The following CAMK1D variants were observed in gnomAD, a reference collection of about 807,000 sequenced individuals.
The protein encoded by CAMK1D is calcium/calmodulin-dependent protein kinase type 1D.
Under a neutral mutation model 47.7 loss-of-function variants are expected in CAMK1D, and 9 were observed. The ratio of observed to expected loss-of-function variants is 0.19; its 90% CI spans 0.11 to 0.33. The LOEUF is 0.33. Ranked by LOEUF, CAMK1D falls within the 10% of genes least tolerant of loss-of-function variation. The probability of loss-of-function intolerance (pLI) is 1.00; values close to 1 mark genes in which losing one functional copy is unlikely to be tolerated. For missense variants in CAMK1D, 291 were observed against 488.7 expected (o/e 0.60, Z 3.81); for synonymous variants, 184 against 184.9 (o/e 0.99, Z 0.04).
At chr10:12,614,371 A>AT (rs1250104525) in intron 2 of CAMK1D, among the ~76,000 whole-genome samples, 4 of 152,228 alleles carry the variant, frequency 2.6e-5, no homozygotes, top group Non-Finnish European at 5.9e-5. Context: ...GCAACTGTGG[A>AT]TTGACACTAT....
chr10:12,362,184 A>G (rs1837684888), intron 1 of CAMK1D, among the ~76,000 whole-genome samples: 1 of 152,180 alleles, frequency 6.6e-6, no homozygotes, highest in African/African-American at 2.4e-5. Context: ...GCCACCATCC[A>G]TCTCCAGAAC....
At chr10:12,514,116 A>G (rs1835118156) in intron 1 of CAMK1D, among the ~76,000 whole-genome samples, 1 of 152,190 alleles carries the variant, frequency 6.6e-6, no homozygotes. Context: ...TGGATCTGAA[A>G]GTGCTTTTCA....
intron 6 of CAMK1D, among the ~76,000 whole-genome samples, chr10:12,807,152 A>G (rs72773669): frequency 0.077 from 11,740 of 152,144 alleles, 466 homozygotes; most frequent in Middle Eastern, 0.13. Flanking sequence ...CCTGCTGGCT[A>G]CCTTCACCTG....
chr10:12,570,156 C>T (rs988852781), intron 2 of CAMK1D, among the ~76,000 whole-genome samples: 6 of 151,724 alleles, frequency 4.0e-5, no homozygotes, highest in Non-Finnish European at 7.4e-5. Context: ...CCTGAGATCG[C>T]GCCACTGCAC....
chr10:12,350,564 G>T (rs3814644), intron 1 of CAMK1D, among the ~76,000 whole-genome samples: 14,857 of 110,518 alleles, frequency 0.13, 907 homozygotes, highest in Non-Finnish European at 0.21. Context: ...GTCGCTGCGC[G>T]GGCGGTGCTC....
chr10:12,465,044 G>A (rs1833550896), intron 1 of CAMK1D, among the ~76,000 whole-genome samples: 1 of 152,182 alleles, frequency 6.6e-6, no homozygotes, highest in Admixed American at 6.5e-5. Flanking sequence ...TGATGAGAAT[G>A]GTGGGTGAGA....
chr10:12,615,759 C>T (rs544398382), intron 2 of CAMK1D, among the ~76,000 whole-genome samples: 5 of 143,604 alleles, frequency 3.5e-5, no homozygotes, highest in African/African-American at 7.8e-5. Context: ...TAGTTGTGTG[C>T]GTAGGTGTGT....
chr10:12,471,451 C>T (rs895465809), intron 1 of CAMK1D, among the ~76,000 whole-genome samples: 1 of 152,196 alleles, frequency 6.6e-6, no homozygotes, highest in Admixed American at 6.5e-5. Flanking sequence ...GCTGTGTACA[C>T]ATCAGGTGAC....
intron 3 of CAMK1D, among the ~76,000 whole-genome samples, chr10:12,685,000 C>T (rs1832595406): frequency 6.6e-6 from 1 of 152,210 alleles, no homozygotes; most frequent in Admixed American, 6.5e-5. Flanking sequence ...GCCTTGTTTT[C>T]CAAAGGTCTT....
chr10:12,817,858 T>C (rs1832858893), intron 8 of CAMK1D, among the ~76,000 whole-genome samples: 1 of 152,112 alleles, frequency 6.6e-6, no homozygotes. Context: ...CAGCTAATTT[T>C]TTGTATTTTT....
intron 1 of CAMK1D, among the ~76,000 whole-genome samples, chr10:12,422,330 G>A (rs1291168520): frequency 2.0e-5 from 3 of 152,214 alleles, no homozygotes; most frequent in Non-Finnish European, 4.4e-5. Context: ...AACAAAGAAG[G>A]GAGTCTTGCC....
chr10:12,474,541 A>G (rs1050544695), intron 1 of CAMK1D, among the ~76,000 whole-genome samples: 1 of 151,956 alleles, frequency 6.6e-6, no homozygotes, highest in Admixed American at 6.6e-5. Flanking sequence ...AACATTGCAT[A>G]ACATAAACTT....
At chr10:12,672,206 C>T (rs923903731) in intron 3 of CAMK1D, among the ~76,000 whole-genome samples, 4 of 151,560 alleles carry the variant, frequency 2.6e-5, no homozygotes, top group African/African-American at 7.3e-5. Context: ...TGAGCCACCT[C>T]GCCGGGCCAC....
intron 1 of CAMK1D, among the ~76,000 whole-genome samples, chr10:12,462,682 G>C (rs1374145807): frequency 6.6e-6 from 1 of 152,088 alleles, no homozygotes; most frequent in African/African-American, 2.4e-5. Context: ...GATATGAGTT[G>C]TGGAGCTCTC....
chr10:12,753,564 C>T (rs1836086480), intron 3 of CAMK1D, among the ~76,000 whole-genome samples: 1 of 152,206 alleles, frequency 6.6e-6, no homozygotes, highest in African/African-American at 2.4e-5. Flanking sequence ...CCATCCACCC[C>T]GTGTGGTCCT....
intron 1 of CAMK1D, among the ~76,000 whole-genome samples, chr10:12,442,506 G>C (rs1814617879): frequency 1.3e-5 from 2 of 151,998 alleles, no homozygotes; most frequent in Non-Finnish European, 2.9e-5. Context: ...AAAAAACTTT[G>C]ATTTCTCTTA....
chr10:12,660,823 C>T (rs910297790), intron 2 of CAMK1D, among the ~76,000 whole-genome samples: 25 of 152,302 alleles, frequency 1.6e-4, no homozygotes, highest in Non-Finnish European at 2.9e-4. Flanking sequence ...CTTTGAATTA[C>T]GCACATTTCA....
chr10:12,769,637 G>A (rs1472584633), intron 4 of CAMK1D, 36 bp from the exon 5 acceptor site: 4 of 1,610,406 alleles, frequency 2.5e-6, no homozygotes, highest in Non-Finnish European at 3.4e-6. Context: ...AGCTTTACAC[G>A]TAGTTTGTAA....
chr10:12,800,551 T>C (rs1412455269), intron 6 of CAMK1D, among the ~76,000 whole-genome samples: 1 of 152,232 alleles, frequency 6.6e-6, no homozygotes, highest in African/African-American at 2.4e-5. Context: ...CCAGAGTTGA[T>C]TGATTTTGCT....
Sources: gnomAD v4.1 joint callset for allele counts (sites outside exome capture counted in the v4.1 genomes callset) on GRCh38, gnomAD v4.1.1 for gene constraint, MANE v1.5 for transcripts, NCBI Gene and HGNC (gene_info 2026-07-23, HGNC 2026-07-21) for gene names.